Variants in PIP5K1B observed in about 807,000 individuals in gnomAD.
PIP5K1B encodes phosphatidylinositol-4-phosphate 5-kinase type 1 beta.
PIP5K1B carries 42 observed loss-of-function variants against 67.0 expected under a neutral mutation model. That is an observed-to-expected ratio of 0.63 (90% confidence interval 0.49 to 0.81). The LOEUF is 0.81. Among genes scored for constraint, PIP5K1B ranks in the 30% least tolerant of loss-of-function variants. PIP5K1B has a pLI of 0.00. For synonymous variants in PIP5K1B, 214 were observed against 231.4 expected, an observed-to-expected ratio of 0.92 and a Z score of 0.68; for missense variants, 459 against 646.3, an observed-to-expected ratio of 0.71 and a Z score of 3.14.
chr9:68,937,592 G>A (rs1182291712), intron 13 of PIP5K1B, among the ~76,000 whole-genome samples: 3 of 152,048 alleles, frequency 2.0e-5, no homozygotes, highest in Non-Finnish European at 4.4e-5. Context: ...GGTTTTTTGT[G>A]TATCTATCTC....
chr9:68,845,634 C>A (rs1442231095), intron 4 of PIP5K1B, among the ~76,000 whole-genome samples: 1 of 152,192 alleles, frequency 6.6e-6, no homozygotes, highest in Non-Finnish European at 1.5e-5. Context: ...AGCTGAAGGC[C>A]TAACGTGGCT....
chr9:68,937,039 A>G (rs1277739696), intron 13 of PIP5K1B, among the ~76,000 whole-genome samples: 1 of 152,168 alleles, frequency 6.6e-6, no homozygotes. Context: ...TTTTGGCATC[A>G]ATGTTCATCA....
intron 8 of PIP5K1B, among the ~76,000 whole-genome samples, chr9:68,900,515 CATTT>C (rs1222872675): frequency 2.6e-5 from 4 of 151,998 alleles, no homozygotes; most frequent in Non-Finnish European, 4.4e-5. Flanking sequence ...AATCCCATAT[CATTT>C]AATTAATTTG....
chr9:68,813,992 A>C (rs1162744395), intron 2 of PIP5K1B, among the ~76,000 whole-genome samples: 1 of 152,210 alleles, frequency 6.6e-6, no homozygotes, highest in Non-Finnish European at 1.5e-5. Context: ...AAACCTGTAA[A>C]AAGATGAGGG....
chr9:68,713,334 G>C (rs2132242374), intron 1 of PIP5K1B, among the ~76,000 whole-genome samples: 2 of 152,320 alleles, frequency 1.3e-5, no homozygotes, highest in South Asian at 4.1e-4. Context: ...GGGATGCAGA[G>C]GTTGCAATGA....
At chr9:68,987,187 G>A (rs570552336) in intron 14 of PIP5K1B, among the ~76,000 whole-genome samples, 2 of 152,072 alleles carry the variant, frequency 1.3e-5, no homozygotes, top group Admixed American at 6.5e-5. Context: ...AGGAGGCGGA[G>A]GTTGCAGTGA....
At chr9:68,725,835 C>A (rs1012731530) in intron 1 of PIP5K1B, among the ~76,000 whole-genome samples, 5 of 152,180 alleles carry the variant, frequency 3.3e-5, no homozygotes, top group Non-Finnish European at 5.9e-5. Context: ...GGACATAATT[C>A]TCTTAAGTAT....
chr9:68,918,358 G>A (rs1398490950), intron 9 of PIP5K1B, among the ~76,000 whole-genome samples: 2 of 152,092 alleles, frequency 1.3e-5, no homozygotes, highest in Non-Finnish European at 2.9e-5. Flanking sequence ...CCAAAGTGCT[G>A]GGATTATAGG....
rs572275790 is a variant in PIP5K1B, at chr9:68,963,649, C to A, written c.1502+22859C>A. Among the ~76,000 whole-genome samples the A allele has an allele frequency of 4.1e-4, 63 of 152,258 alleles. 1 individual carries two copies. The South Asian group carries it at 0.013, about 31-fold the overall frequency. ...TGATGTCCCTGCCAATGATAATTTG[C>A]TTTGGTTCAGCTGTTACGGTGACTA... On this transcript the variant is annotated intron_variant, in intron 14 of 15. Transcript: ENST00000265382.
At chr9:68,985,233 T>C (rs1830049816) in intron 14 of PIP5K1B, among the ~76,000 whole-genome samples, 2 of 152,074 alleles carry the variant, frequency 1.3e-5, no homozygotes, top group Admixed American at 6.5e-5. Context: ...TTGGCAATAA[T>C]TCAAACTAAA....
Position 68,935,060 on chromosome 9 carries a change from C to T in PIP5K1B, c.1357+15C>T. On this transcript the variant is annotated intron_variant, in intron 13 of 15. Coordinates refer to ENST00000265382, the MANE Select transcript of PIP5K1B (RefSeq NM_003558.4). ...TGATGAAGAAGGTAAAGATATGTAA[C>T]TTTTTTAAAAAGACAAACGTTCTTG... is the stretch of plus-strand genomic sequence containing the variant. 6.2e-7 allele frequency: 1 copy of T among 1,604,160 alleles called. No homozygotes were observed. The highest frequency in any genetic ancestry group is 8.5e-7 in the Non-Finnish European group (1 of 1,175,672).
At chr9:68,902,785 T>G (rs1825428045) in intron 8 of PIP5K1B, among the ~76,000 whole-genome samples, 1 of 152,248 alleles carries the variant, frequency 6.6e-6, no homozygotes, top group Non-Finnish European at 1.5e-5. Context: ...CTGTTGTCAC[T>G]ATTTTTTATT....
intron 2 of PIP5K1B, among the ~76,000 whole-genome samples, chr9:68,801,329 TC>T (rs1332987921): frequency 1.3e-5 from 2 of 152,182 alleles, no homozygotes; most frequent in African/African-American, 4.8e-5. Flanking sequence ...ATTTTTTTTT[TC>T]ATATTGGATT....
At chr9:68,750,061 T>C (rs1829544169) in intron 2 of PIP5K1B, among the ~76,000 whole-genome samples, 1 of 152,234 alleles carries the variant, frequency 6.6e-6, no homozygotes, top group African/African-American at 2.4e-5. Flanking sequence ...TGATGTAATA[T>C]GTGTAAAGGC....
At chr9:68,711,691 A>G (rs894575452) in intron 1 of PIP5K1B, among the ~76,000 whole-genome samples, 4 of 152,248 alleles carry the variant, frequency 2.6e-5, no homozygotes, top group African/African-American at 7.2e-5. Context: ...ATCATAAATT[A>G]TATTTATTCA....
intron 8 of PIP5K1B, among the ~76,000 whole-genome samples, chr9:68,914,968 T>C (rs188066128): frequency 1.3e-5 from 2 of 152,334 alleles, no homozygotes; most frequent in East Asian, 3.9e-4. Context: ...CTGTTGTCTC[T>C]TGAGCTAGTG....
chr9:68,828,953 T>C (rs913996583), intron 4 of PIP5K1B, among the ~76,000 whole-genome samples: 4 of 151,540 alleles, frequency 2.6e-5, no homozygotes, highest in African/African-American at 9.7e-5. Flanking sequence ...AATACAAAAA[T>C]TTGCTGGGCA....
chr9:68,902,411 T>C (rs1825409898), intron 8 of PIP5K1B, among the ~76,000 whole-genome samples: 1 of 152,240 alleles, frequency 6.6e-6, no homozygotes, highest in Non-Finnish European at 1.5e-5. Flanking sequence ...CATAATGCCA[T>C]TGATATTCAT....
At chr9:68,711,010 A>G (rs967013283) in intron 1 of PIP5K1B, among the ~76,000 whole-genome samples, 1 of 152,178 alleles carries the variant, frequency 6.6e-6, no homozygotes, top group Non-Finnish European at 1.5e-5. Flanking sequence ...TGTAAGTACT[A>G]GGGGTCCAGA....
Sources: gnomAD v4.1 joint callset for allele counts (sites outside exome capture counted in the v4.1 genomes callset) on GRCh38, gnomAD v4.1.1 for gene constraint, MANE v1.5 for transcripts, NCBI Gene and HGNC (gene_info 2026-07-23, HGNC 2026-07-21) for gene names.